Variants in TMPRSS15 observed in about 807,000 individuals in gnomAD.
The protein encoded by TMPRSS15 is transmembrane serine protease 15.
Under a neutral mutation model 125.3 loss-of-function variants are expected in TMPRSS15, and 128 were observed. That is an observed-to-expected ratio of 1.02 (90% CI 0.89 to 1.18). TMPRSS15 has a LOEUF of 1.18. Among genes scored for constraint, TMPRSS15 ranks in the 50% most tolerant of loss-of-function variants. The pLI, the probability that TMPRSS15 is intolerant of heterozygous loss-of-function variation, is 0.00. For missense variants in TMPRSS15, 1,283 were observed against 1,212.7 expected (o/e 1.06, Z -0.86); for synonymous variants, 446 against 423.2 (o/e 1.05, Z -0.66).
intron 24 of TMPRSS15, among the ~76,000 whole-genome samples, chr21:18,272,413 A>T (rs900321727): frequency 6.6e-6 from 1 of 151,812 alleles, no homozygotes; most frequent in Non-Finnish European, 1.5e-5. Flanking sequence ...TGTCTTGGAG[A>T]TATATGAGTA....
intron 19 of TMPRSS15, among the ~76,000 whole-genome samples, chr21:18,296,174 A>C (rs2074905655): frequency 6.6e-6 from 1 of 152,094 alleles, no homozygotes; most frequent in African/African-American, 2.4e-5. Context: ...AAAAATAAAG[A>C]ATCAGCATAT....
rs568033933 is a variant in TMPRSS15, at chr21:18,353,305, T to G, written c.1022-253A>C. 3.5e-4 allele frequency among the ~76,000 whole-genome samples: 53 copies of G among 151,982 alleles called. 1 individual carries two copies. Among genetic ancestry groups the G allele is most frequent in the African/African-American group, 1.2e-3 (48 of 41,528 alleles). On this transcript the variant is annotated intron_variant, in intron 9 of 24. Transcript: ENST00000284885. Reference sequence around the variant, plus strand: ...GGTATTAGCAAATATAAGTTTCTCATTTTTTAAGTTTTACATCTTGTTTCC... The same window carrying G: ...GGTATTAGCAAATATAAGTTTCTCAGTTTTTAAGTTTTACATCTTGTTTCC...
chr21:18,317,920 A>G (rs975840736), intron 16 of TMPRSS15, among the ~76,000 whole-genome samples: 1 of 140,102 alleles, frequency 7.1e-6, no homozygotes, highest in Non-Finnish European at 1.5e-5. Flanking sequence ...ATCCCAACCC[A>G]TTCTATTCCA....
chr21:18,344,858 G>A (rs1423159093), intron 10 of TMPRSS15, among the ~76,000 whole-genome samples: 1 of 152,198 alleles, frequency 6.6e-6, no homozygotes, highest in Non-Finnish European at 1.5e-5. Context: ...AAGCAAATGT[G>A]ATGTTGGATT....
chr21:18,438,886 T>G (rs2076235158), intron 1 of TMPRSS15, among the ~76,000 whole-genome samples: 1 of 152,234 alleles, frequency 6.6e-6, no homozygotes, highest in Non-Finnish European at 1.5e-5. Context: ...TATAAAATAA[T>G]GCTTTAATGC....
intron 1 of TMPRSS15, among the ~76,000 whole-genome samples, chr21:18,458,046 G>C (rs899770450): frequency 4.6e-5 from 7 of 152,174 alleles, no homozygotes; most frequent in Non-Finnish European, 8.8e-5. Context: ...GTTAGTGTAA[G>C]TGTGCTTGGT....
chr21:18,323,112 C>A (rs2075255758), intron 16 of TMPRSS15, among the ~76,000 whole-genome samples: 1 of 152,056 alleles, frequency 6.6e-6, no homozygotes, highest in Admixed American at 6.6e-5. Context: ...CTTTTCAAGT[C>A]TTTTCTCCTT....
chr21:18,342,102 G>C (rs1185735318), intron 12 of TMPRSS15, among the ~76,000 whole-genome samples: 1 of 152,142 alleles, frequency 6.6e-6, no homozygotes, highest in Non-Finnish European at 1.5e-5. Context: ...ACTGTGCAAG[G>C]GTGGTGCCCG....
At chr21:18,399,015 G>A (rs151303188) in intron 1 of TMPRSS15, among the ~76,000 whole-genome samples, 482 of 152,134 alleles carry the variant, frequency 3.2e-3, no homozygotes, top group African/African-American at 0.011. Flanking sequence ...ATAATAAAAT[G>A]TGTCATTAAG....
rs1361520970 is a variant in TMPRSS15 at position 18,275,322 on chromosome 21, T to C, written c.2779A>G (p.Ile927Val). The change falls in exon 24 of 25, where the codon ATA becomes GTA. Residue 927 changes from isoleucine (I) to valine (V), a missense_variant. By Grantham distance (29) the Ile-to-Val change is conservative. Transcript: ENST00000284885. ...AGAGGAACATCAGCTTCTTGCAATA[T>C]GTTTGCAGTAGTACCTGCTCAAAAT... Reference protein sequence around the residue: ...TVVYQGTTANILQEADVPLLS... With the variant: ...TVVYQGTTANVLQEADVPLLS... 5 of 1,614,030 alleles carry C rather than the reference T, an allele frequency of 3.1e-6. No homozygotes were observed. The highest frequency in any genetic ancestry group is 1.7e-5 in the Admixed American group (1 of 60,026).
chr21:18,382,425 A>G (rs2075901200), intron 4 of TMPRSS15, among the ~76,000 whole-genome samples: 1 of 152,148 alleles, frequency 6.6e-6, no homozygotes, highest in African/African-American at 2.4e-5. Flanking sequence ...CAGCAGCTGC[A>G]ACATGTTGCA....
In TMPRSS15 at chr21:18,345,095, C is replaced by G. The variant is rs577000022; in HGVS notation, c.1172-1035G>C. On this transcript the variant is annotated intron_variant, in intron 10 of 24. Coordinates refer to ENST00000284885, the MANE Select transcript of TMPRSS15 (RefSeq NM_002772.3). The stretch of plus-strand genomic sequence containing the variant: ...TCAATGCATATTTAGACCAGTGAGG[C>G]AAAAATTATTCAGAATAAATGAGTG... Among the ~76,000 whole-genome samples the G allele has an allele frequency of 3.9e-3, 586 of 152,180 alleles. 1 individual carries two copies. Among genetic ancestry groups the G allele is most frequent in the Non-Finnish European group, 5.8e-3 (397 of 67,998 alleles).
chr21:18,465,747 T>A (rs1437047558), intron 1 of TMPRSS15, among the ~76,000 whole-genome samples: 1 of 151,916 alleles, frequency 6.6e-6, no homozygotes, highest in South Asian at 2.1e-4. Flanking sequence ...AACCACTGCT[T>A]AAGGAAATAA....
chr21:18,314,699 C>T (rs918665598), intron 17 of TMPRSS15, among the ~76,000 whole-genome samples: 1 of 152,044 alleles, frequency 6.6e-6, no homozygotes, highest in African/African-American at 2.4e-5. Flanking sequence ...ATCCATTACT[C>T]ATAATGTTAT....
intron 1 of TMPRSS15, among the ~76,000 whole-genome samples, chr21:18,434,829 C>CATCTATTGCTT (rs2076224345): frequency 6.6e-6 from 1 of 151,930 alleles, no homozygotes; most frequent in Admixed American, 6.6e-5. Context: ...TTTAAAAACT[C>CATCTATTGCTT]ATAAATTAAA....
At chr21:18,275,451 G>GTA in intron 23 of TMPRSS15, 115 bp from the exon 24 acceptor site, 1 of 1,259,770 alleles carries the variant, frequency 7.9e-7, no homozygotes, top group East Asian at 2.4e-5. Context: ...CAAGTACTGT[G>GTA]TATATATAAT....
At chr21:18,320,935 C>T (rs898471841) in intron 16 of TMPRSS15, among the ~76,000 whole-genome samples, 1 of 152,166 alleles carries the variant, frequency 6.6e-6, no homozygotes, top group African/African-American at 2.4e-5. Context: ...ATTTCCCCAT[C>T]TCCTTTTTAT....
Position 18,349,750 on chromosome 21 carries a change from C to T in TMPRSS15, c.1171+3153G>A, listed in dbSNP as rs151209032. ...TAATTTTAAAAAACTCCTGCTACTA[C>T]GCTTTCTCCTGAGACTTCATTTCAG... On this transcript the variant is annotated intron_variant, in intron 10 of 24. Transcript: ENST00000284885. Among the ~76,000 whole-genome samples, 630 of 152,248 alleles carry T rather than the reference C, an allele frequency of 4.1e-3. 5 individuals carry two copies. Among genetic ancestry groups the T allele is most frequent in the African/African-American group, 0.015 (607 of 41,550 alleles).
At chr21:18,448,996 T>C (rs1195507643) in intron 1 of TMPRSS15, among the ~76,000 whole-genome samples, 1 of 152,150 alleles carries the variant, frequency 6.6e-6, no homozygotes, top group Non-Finnish European at 1.5e-5. Flanking sequence ...TTTATATTGG[T>C]GAGTTACATG....
Sources: allele counts gnomAD v4.1 joint callset (sites outside exome capture counted in the v4.1 genomes callset), GRCh38; gene constraint gnomAD v4.1.1; transcripts MANE v1.5; gene names NCBI Gene and HGNC (gene_info 2026-07-23, HGNC 2026-07-21).